VMA22: variants seen among roughly 807,000 people sequenced by gnomAD.
VMA22 encodes the protein vacuolar ATPase assembly factor VMA22.
chr2:130,342,660 T>C, the VMA22 span: 1 of 508,642 alleles, frequency 2.0e-6, no homozygotes, highest in South Asian at 2.9e-5. Flanking sequence ...TGGAGAAGCC[T>C]GGGCGGACAT....
chr2:130,342,635 G>C, the VMA22 span: 3 of 484,948 alleles, frequency 6.2e-6, no homozygotes, highest in Middle Eastern at 5.5e-4. Context: ...GGCGGTGGTG[G>C]GGGGAGGACG....
the VMA22 span, chr2:130,340,671 A>G: frequency 3.6e-6 from 2 of 553,352 alleles, no homozygotes; most frequent in African/African-American, 1.9e-5. Context: ...ACATTACATG[A>G]AAAGTGTTTG....
chr2:130,339,199 T>G, the VMA22 span: 1 of 1,614,086 alleles, frequency 6.2e-7, no homozygotes, highest in Non-Finnish European at 8.5e-7. Context: ...AATGCGGTTC[T>G]GGAGGCTGGC....
At chr2:130,341,705 C>T in the VMA22 span, 4 of 1,611,634 alleles carry the variant, frequency 2.5e-6, no homozygotes, top group Non-Finnish European at 3.4e-6. Context: ...GGCGTGGACA[C>T]CAGCTCTCAC....
chr2:130,341,223 G>A, the VMA22 span: 15 of 670,666 alleles, frequency 2.2e-5, no homozygotes, highest in African/African-American at 7.3e-5. Context: ...TGATTCAGAT[G>A]AGACTGTTTG....
the VMA22 span, chr2:130,339,584 C>T: frequency 7.7e-7 from 1 of 1,293,472 alleles, no homozygotes; most frequent in Non-Finnish European, 1.0e-6. Context: ...CTTCTTTTCT[C>T]TGTTAGTCCA....
At chr2:130,341,129 A>ATT in the VMA22 span, 1 of 1,416,950 alleles carries the variant, frequency 7.1e-7, no homozygotes, top group Non-Finnish European at 9.3e-7. Context: ...TGAGCTCATG[A>ATT]TTCTATAAAA....
At chr2:130,341,739 C>T in the VMA22 span, 5 of 1,611,340 alleles carry the variant, frequency 3.1e-6, no homozygotes, top group Admixed American at 5.0e-5. Context: ...TGGAGTCCCT[C>T]CTGGGCCTCG....
chr2:130,341,537 C>T, the VMA22 span: 2 of 783,886 alleles, frequency 2.6e-6, no homozygotes, highest in South Asian at 1.9e-5. Context: ...AACCACCCTA[C>T]AAAAACATTC....
At chr2:130,339,355 A>G in the VMA22 span, 5 of 1,338,434 alleles carry the variant, frequency 3.7e-6, no homozygotes, top group Admixed American at 1.2e-4. Context: ...TTGTCCCAAA[A>G]CATTCCAGGT....
the VMA22 span, chr2:130,342,081 C>A: frequency 6.2e-7 from 1 of 1,613,930 alleles, no homozygotes; most frequent in Non-Finnish European, 8.5e-7. Flanking sequence ...CAAGCAGCTG[C>A]AGGACCAGCG....
At chr2:130,339,336 C>T in the VMA22 span, 2 of 1,335,378 alleles carry the variant, frequency 1.5e-6, no homozygotes, top group Non-Finnish European at 1.0e-6. Context: ...GCCTCTCTGC[C>T]CCCCACACTT....
chr2:130,341,049 G>A, the VMA22 span: 2 of 1,593,590 alleles, frequency 1.3e-6, no homozygotes, highest in Admixed American at 1.8e-5. Flanking sequence ...CCTGAGGAAA[G>A]AAAGGTTGGA....
At chr2:130,341,666 C>G in the VMA22 span, 2 of 1,610,510 alleles carry the variant, frequency 1.2e-6, no homozygotes, top group Middle Eastern at 2.3e-4. Context: ...AGGGGGCTCA[C>G]CTGCTTCGCG....
the VMA22 span, chr2:130,341,792 C>A: frequency 6.4e-7 from 1 of 1,562,436 alleles, no homozygotes; most frequent in Non-Finnish European, 8.7e-7. Flanking sequence ...CAGCCCGGGC[C>A]TAGAACGCGC....
the VMA22 span, chr2:130,339,758 G>A: frequency 7.7e-7 from 1 of 1,303,840 alleles, no homozygotes; most frequent in Non-Finnish European, 1.0e-6. Context: ...TGGCCTCCAG[G>A]ACACCTGCCC....
chr2:130,339,777 T>G, the VMA22 span: 1 of 1,303,186 alleles, frequency 7.7e-7, no homozygotes, highest in Non-Finnish European at 1.0e-6. Flanking sequence ...CCCCAGGTGT[T>G]GCTCCTCAGT....
the VMA22 span, chr2:130,339,566 TC>T: frequency 7.8e-7 from 1 of 1,283,274 alleles, no homozygotes. Context: ...TCACCTGCTC[TC>T]CCTCCACTTC....
the VMA22 span, chr2:130,341,825 ATGGAAGCTTCCTCACCTGGCG>A: frequency 7.4e-6 from 3 of 403,982 alleles, no homozygotes; most frequent in Non-Finnish European, 1.4e-5. Flanking sequence ...CCAGCCCAGC[ATGGAAGCTTCCTCACCTGGCG>A]TGGAGGCAGA....
Sources: gnomAD v4.1 joint callset for allele counts on GRCh38, gnomAD v4.1.1 for gene constraint, MANE v1.5 for transcripts, NCBI Gene and HGNC (gene_info 2026-07-23, HGNC 2026-07-21) for gene names.